Variants in UBE2D4 observed in about 807,000 individuals in gnomAD.
UBE2D4 encodes the protein ubiquitin-conjugating enzyme E2 D4.
UBE2D4 carries 17 observed loss-of-function variants against 23.0 expected under a neutral mutation model. The observed-to-expected ratio is 0.74, with a 90% CI of 0.51 to 1.11. The LOEUF (loss-of-function observed/expected upper bound fraction) is 1.11, where lower values mean the gene tolerates loss of function less well. UBE2D4 is among the 50% of genes least tolerant of loss of function. The pLI, the probability that UBE2D4 is intolerant of heterozygous loss-of-function variation, is 0.00. For synonymous variants in UBE2D4, 61 were observed against 69.4 expected (o/e 0.88, Z 0.60); for missense variants, 139 against 181.8 (o/e 0.76, Z 1.35).
chr7:43,926,695 C>G lies in UBE2D4; in HGVS notation c.24+139C>G, dbSNP rs2095931755. 8 of 914,606 alleles carry G rather than the reference C, an allele frequency of 8.7e-6. No homozygotes were observed. In the Admixed American group the frequency reaches 3.2e-4, roughly 37 times the overall value. The allele number at this position is 914,606 out of a possible 1,614,324, so 56.7% of individuals were successfully genotyped here. A position where few individuals can be genotyped will look rare whatever the true frequency, so the allele number is the denominator to read the frequency against. ...CTGCCTGGGAAGGAGGCAGAACAGC[C>G]TCCCGCGCAGCCTGAAAAGCGAACG... On this transcript the variant is annotated intron_variant, in intron 1 of 6. Transcript: ENST00000222402.
rs778209451 is a variant in UBE2D4 at position 43,938,495 on chromosome 7, G to A, written c.88+1G>A. The A allele has an allele frequency of 6.2e-7, 1 of 1,613,970 alleles. No individual in the cohort carries two copies. Among genetic ancestry groups the A allele is most frequent in the Non-Finnish European group, 8.5e-7 (1 of 1,179,874 alleles). On this transcript the variant is annotated splice_donor_variant, in intron 2 of 6. Transcript: ENST00000222402. LOFTEE classifies it high-confidence loss of function. ...TCTGCAGGACCTGTCGGTGATGACTGTAAGTATTTTGGGGGGCTTCAAGTT... is the reference window on the plus strand; with the variant it reads ...TCTGCAGGACCTGTCGGTGATGACTATAAGTATTTTGGGGGGCTTCAAGTT...
intron 1 of UBE2D4, among the ~76,000 whole-genome samples, chr7:43,928,323 C>T (rs1403579189): frequency 6.6e-6 from 1 of 152,110 alleles, no homozygotes; most frequent in Non-Finnish European, 1.5e-5. Context: ...AATATCCAAA[C>T]CAGATCAACC....
chr7:43,951,754 CTCGAGCAA>C (rs907312165), intron 6 of UBE2D4, among the ~76,000 whole-genome samples: 4 of 152,132 alleles, frequency 2.6e-5, no homozygotes, highest in African/African-American at 9.7e-5. Flanking sequence ...AACTCCTGGA[CTCGAGCAA>C]TCTGCCCACC....
In UBE2D4 at chr7:43,938,414, ACT is replaced by A. The variant is rs935854275; in HGVS notation, c.25-11_25-10del. 4 of 1,612,902 alleles carry A rather than the reference ACT, an allele frequency of 2.5e-6. No individual in the cohort carries two copies. Among genetic ancestry groups the A allele is most frequent in the Non-Finnish European group, 3.4e-6 (4 of 1,179,414 alleles). On this transcript the variant is annotated splice_polypyrimidine_tract_variant and intron_variant, in intron 1 of 6. Transcript: ENST00000222402. ...CCCCAGCATACAGCAGCTCTGACCC[ACT>A]CTCTCATGTTCTAGGAATTAACCGA...
Position 43,926,483 on chromosome 7 carries a change from G to T in UBE2D4, c.-50G>T. On this transcript the variant is annotated 5_prime_UTR_variant, in exon 1 of 7. Transcript: ENST00000222402. ...GTGGCGGCTGAGCCGGCAGCGGGCC[G>T]CCTCAGGCAGCCCCGGCCGGGCCGC... 2 of 1,449,530 alleles carry T rather than the reference G, an allele frequency of 1.4e-6. No individual in the cohort carries two copies. The highest frequency in any genetic ancestry group is 2.9e-5 in the African/African-American group (2 of 68,392). The allele number at this position is 1,449,530 out of a possible 1,614,324, so 89.8% of individuals were successfully genotyped here. A position where few individuals can be genotyped will look rare whatever the true frequency, so the allele number is the denominator to read the frequency against.
chr7:43,930,934 G>A (rs1034416916), intron 1 of UBE2D4, among the ~76,000 whole-genome samples: 1 of 151,986 alleles, frequency 6.6e-6, no homozygotes, highest in African/African-American at 2.4e-5. Context: ...TTAGGTCCTG[G>A]TCAACATGGT....
In UBE2D4 at chr7:43,938,442, C is replaced by T; in HGVS notation, c.36C>T (p.Asp12=). The T allele has an allele frequency of 6.2e-7, 1 of 1,614,120 alleles. No homozygotes were observed. The highest frequency in any genetic ancestry group is 1.1e-5 in the South Asian group (1 of 91,080). Residue 12 remains aspartate, a synonymous_variant, in exon 2 of 7, where the codon GAC becomes GAT. Transcript: ENST00000222402. ...CTCTCATGTTCTAGGAATTAACCGA[C>T]TTGCAGAGGGATCCTCCTGCCCAGT... ...ALKRIQKELT[D]LQRDPPAQCS...
At position 43,926,618 on chromosome 7, in the gene UBE2D4, G is replaced by A. The variant is rs905121444; in HGVS notation, c.24+62G>A. ...CGAAGCGTCGAGGTGTGGGCGGGGC[G>A]CCGCTGCCGTGAAGTGAAAGGTGAC... On this transcript the variant is annotated intron_variant, in intron 1 of 6. Coordinates refer to ENST00000222402, the MANE Select transcript of UBE2D4 (RefSeq NM_015983.4). The A allele has an allele frequency of 5.3e-6, 8 of 1,499,426 alleles. No homozygotes were observed. In the Admixed American group the frequency reaches 1.2e-4, roughly 22 times the overall value. The allele number at this position is 1,499,426 out of a possible 1,614,324, so 92.9% of individuals were successfully genotyped here.
chr7:43,927,457 C>A (rs143773445), intron 1 of UBE2D4, among the ~76,000 whole-genome samples: 85 of 152,070 alleles, frequency 5.6e-4, no homozygotes, highest in African/African-American at 2.0e-3. Context: ...GGACTACATG[C>A]CACCATGCCA....
intron 5 of UBE2D4, chr7:43,948,955 GCCC>G (rs2095995138): frequency 3.7e-6 from 2 of 541,064 alleles, no homozygotes; most frequent in Non-Finnish European, 6.7e-6. Context: ...GCAGTCAATT[GCCC>G]TGGTGTGCTC....
At chr7:43,928,385 CA>C (rs763373557) in intron 1 of UBE2D4, among the ~76,000 whole-genome samples, 1 of 151,476 alleles carries the variant, frequency 6.6e-6, no homozygotes, top group Non-Finnish European at 1.5e-5. Flanking sequence ...GTTTGATTGC[CA>C]GAGGTGGAAT....
rs2096005977 is a variant in UBE2D4 at position 43,952,863 on chromosome 7, CA to C, written c.*170del. 1.7e-6 allele frequency: 1 copy of C among 604,836 alleles called. No homozygotes were observed. Among genetic ancestry groups the C allele is most frequent in the African/African-American group, 1.8e-5 (1 of 54,484 alleles). 37.5% of individuals were successfully genotyped at this position (604,836 alleles called of 1,614,324 possible). On this transcript the variant is annotated 3_prime_UTR_variant, in exon 7 of 7. Transcript: ENST00000222402. ...TGCAGCATGTTGGTGCCATTTTCAG[CA>C]ATTACGGCTTTGACAGTGCCACCTC...
chr7:43,935,488 T>C (rs1022285096), intron 1 of UBE2D4, among the ~76,000 whole-genome samples: 2 of 152,206 alleles, frequency 1.3e-5, no homozygotes, highest in Non-Finnish European at 2.9e-5. Flanking sequence ...TACATATTTT[T>C]TTTTTTGGAA....
chr7:43,935,752 C>A (rs1040586097), intron 1 of UBE2D4, among the ~76,000 whole-genome samples: 2 of 152,152 alleles, frequency 1.3e-5, no homozygotes, highest in African/African-American at 4.8e-5. Flanking sequence ...GATGATAGGC[C>A]ATGGTCTTCA....
At chr7:43,935,359 T>C (rs2095956139) in intron 1 of UBE2D4, among the ~76,000 whole-genome samples, 1 of 152,228 alleles carries the variant, frequency 6.6e-6, no homozygotes, top group African/African-American at 2.4e-5. Context: ...AAAATATTTT[T>C]ACTGCTTCAT....
At chr7:43,946,760 GT>G (rs2095988125) in intron 4 of UBE2D4, among the ~76,000 whole-genome samples, 1 of 151,868 alleles carries the variant, frequency 6.6e-6, no homozygotes, top group Non-Finnish European at 1.5e-5. Flanking sequence ...CATATTTGAA[GT>G]GCACAAGGGT....
chr7:43,934,631 A>C (rs568277605), intron 1 of UBE2D4, among the ~76,000 whole-genome samples: 105 of 136,548 alleles, frequency 7.7e-4, no homozygotes, highest in Non-Finnish European at 1.4e-3. Flanking sequence ...TCCCGGGCTA[A>C]AGCAATTCTT....
chr7:43,937,040 G>C (rs1019324815), intron 1 of UBE2D4, among the ~76,000 whole-genome samples: 17 of 152,180 alleles, frequency 1.1e-4, no homozygotes, highest in Admixed American at 8.5e-4. Context: ...ATCCACACGT[G>C]GCCTTTCAGG....
intron 1 of UBE2D4, chr7:43,928,041 C>G: frequency 2.2e-6 from 1 of 454,052 alleles, no homozygotes; most frequent in South Asian, 1.6e-5. Context: ...GTGCCAGCAT[C>G]TGCTTCTGGT....
Sources: allele counts gnomAD v4.1 joint callset (sites outside exome capture counted in the v4.1 genomes callset), GRCh38; gene constraint gnomAD v4.1.1; transcripts MANE v1.5; gene names NCBI Gene and HGNC (gene_info 2026-07-23, HGNC 2026-07-21).